Variants in TRAF3 observed in about 807,000 individuals in gnomAD.
The protein encoded by TRAF3 is TNF receptor associated factor 3.
TRAF3 carries 13 observed loss-of-function variants against 62.3 expected under a neutral mutation model. The observed-to-expected ratio is 0.21, with a 90% CI of 0.14 to 0.33. The LOEUF (loss-of-function observed/expected upper bound fraction) is 0.33, where lower values mean the gene tolerates loss of function less well. TRAF3 is among the 10% of genes least tolerant of loss of function. The pLI, the probability that TRAF3 is intolerant of heterozygous loss-of-function variation, is 1.00. For missense variants in TRAF3, 440 were observed against 741.8 expected (o/e 0.59, Z 4.73); for synonymous variants, 269 against 283.4 (o/e 0.95, Z 0.51).
At chr14:102,833,147 C>A (rs1885752176) in intron 2 of TRAF3, among the ~76,000 whole-genome samples, 3 of 152,178 alleles carry the variant, frequency 2.0e-5, no homozygotes, top group Admixed American at 2.0e-4. Context: ...GTCTTCTTGC[C>A]TGTGGACTGT....
At chr14:102,894,537 C>A (rs1889900266) in intron 9 of TRAF3, among the ~76,000 whole-genome samples, 1 of 152,028 alleles carries the variant, frequency 6.6e-6, no homozygotes, top group Non-Finnish European at 1.5e-5. Context: ...AACACACCTG[C>A]CAGGTGGACT....
chr14:102,852,193 C>T (rs990590303), intron 2 of TRAF3, among the ~76,000 whole-genome samples: 1 of 152,172 alleles, frequency 6.6e-6, no homozygotes, highest in African/African-American at 2.4e-5. Flanking sequence ...GACTCAACCT[C>T]CTGGGCTCAA....
chr14:102,895,220 C>G (rs1566804556), intron 9 of TRAF3: 3 of 410,902 alleles, frequency 7.3e-6, no homozygotes, highest in South Asian at 5.4e-5. Context: ...TGTAGGAGTT[C>G]ATGGACGTAT....
intron 1 of TRAF3, among the ~76,000 whole-genome samples, chr14:102,794,753 C>T: frequency 6.6e-6 from 1 of 152,178 alleles, no homozygotes. Context: ...GTGTGTTACT[C>T]ATTTTCAGTG....
At chr14:102,870,577 G>T (rs1419325200) in intron 3 of TRAF3, 131 bp downstream of exon 3, 2 of 1,296,186 alleles carry the variant, frequency 1.5e-6, no homozygotes, top group Non-Finnish European at 1.1e-6. Flanking sequence ...AAGCCTCCGG[G>T]CCCAGCTTGT....
rs540793449 is a variant in TRAF3, at chr14:102,802,093, C to T, written c.-157+24418C>T. ...ATTCTGGTCTTGAACTCCTAGTGGT[C>T]GTCCCACCTTGGCCTCCCAAAGTGC... On this transcript the variant is annotated intron_variant, in intron 1 of 11. Transcript: ENST00000392745. Among the ~76,000 whole-genome samples, 7 of 148,360 alleles carry T rather than the reference C, an allele frequency of 4.7e-5. No individual in the cohort carries two copies. In the East Asian group the frequency reaches 6.1e-4, roughly 13 times the overall value.
At chr14:102,791,891 C>A (rs1897808478) in intron 1 of TRAF3, among the ~76,000 whole-genome samples, 1 of 151,764 alleles carries the variant, frequency 6.6e-6, no homozygotes, top group Admixed American at 6.6e-5. Flanking sequence ...TGGCTGACTT[C>A]AACCTCTGCC....
At chr14:102,842,519 T>C (rs1886437779) in intron 2 of TRAF3, among the ~76,000 whole-genome samples, 1 of 151,890 alleles carries the variant, frequency 6.6e-6, no homozygotes, top group Admixed American at 6.6e-5. Context: ...ACTTAAGATA[T>C]GTATAACCTA....
At chr14:102,809,536 T>A (rs1898994634) in intron 1 of TRAF3, among the ~76,000 whole-genome samples, 1 of 149,282 alleles carries the variant, frequency 6.7e-6, no homozygotes, top group African/African-American at 2.5e-5. Flanking sequence ...AGACTTTTTT[T>A]TTTTTTTTTT....
At chr14:102,875,514 A>G (rs1888591687) in intron 4 of TRAF3, 110 bp from the exon 5 acceptor site, 2 of 875,044 alleles carry the variant, frequency 2.3e-6, no homozygotes, top group Non-Finnish European at 3.6e-6. Context: ...AGTTCACTTA[A>G]GAGTTCCTCT....
chr14:102,791,428 G>T (rs766096543), intron 1 of TRAF3, among the ~76,000 whole-genome samples: 3 of 152,062 alleles, frequency 2.0e-5, no homozygotes, highest in Non-Finnish European at 2.9e-5. Context: ...TTATTTCTGG[G>T]TGCTTTATTT....
chr14:102,811,257 T>C (rs1292533191), intron 1 of TRAF3, among the ~76,000 whole-genome samples: 1 of 152,046 alleles, frequency 6.6e-6, no homozygotes, highest in African/African-American at 2.4e-5. Flanking sequence ...GCCCCGTTGC[T>C]GCTGTCTGTA....
chr14:102,833,210 C>T (rs969300474), intron 2 of TRAF3, among the ~76,000 whole-genome samples: 1 of 152,194 alleles, frequency 6.6e-6, no homozygotes. Context: ...CCTTCTGTGG[C>T]ACTCAGTACA....
At chr14:102,801,964 C>T (rs1257750362) in intron 1 of TRAF3, among the ~76,000 whole-genome samples, 2 of 145,880 alleles carry the variant, frequency 1.4e-5, no homozygotes, top group East Asian at 2.1e-4. Context: ...TGCAGTGAGC[C>T]GAGATCATGC....
intron 1 of TRAF3, among the ~76,000 whole-genome samples, chr14:102,819,045 ACT>A (rs993277987): frequency 1.3e-5 from 2 of 148,536 alleles, no homozygotes; most frequent in Non-Finnish European, 3.0e-5. Context: ...ACGGAGCAAG[ACT>A]CTGTCTCTAA....
intron 9 of TRAF3, among the ~76,000 whole-genome samples, chr14:102,891,801 T>A (rs1264489871): frequency 1.3e-5 from 2 of 152,138 alleles, no homozygotes; most frequent in Non-Finnish European, 2.9e-5. Context: ...GCAGCAGAGT[T>A]AAGAGACATG....
At chr14:102,894,532 A>G (rs1479412920) in intron 9 of TRAF3, among the ~76,000 whole-genome samples, 2 of 151,968 alleles carry the variant, frequency 1.3e-5, no homozygotes, top group African/African-American at 4.8e-5. Context: ...CTTGGAACAC[A>G]CCTGCCAGGT....
chr14:102,900,922 A>G (rs546003059), intron 10 of TRAF3, among the ~76,000 whole-genome samples: 79 of 152,348 alleles, frequency 5.2e-4, no homozygotes, highest in African/African-American at 1.9e-3. Flanking sequence ...TATTTTTTAT[A>G]GAAACTGCAG....
rs143175329 is a variant in TRAF3 at position 102,866,808 on chromosome 14, A to G, written c.-17-3377A>G. Among the ~76,000 whole-genome samples, 855 of 151,340 alleles carry G rather than the reference A, an allele frequency of 5.6e-3. 9 individuals carry two copies. Among genetic ancestry groups the G allele is most frequent in the Admixed American group, 9.8e-3 (149 of 15,142 alleles). ...TGCAGTGAGCCATGATGGCACCACT[A>G]TACTCCAGCCTGGGCAACAGAACGA... On this transcript the variant is annotated intron_variant, in intron 2 of 11. Coordinates refer to ENST00000392745, the MANE Select transcript of TRAF3 (RefSeq NM_145725.3).
Sources: allele counts gnomAD v4.1 joint callset (sites outside exome capture counted in the v4.1 genomes callset), GRCh38; gene constraint gnomAD v4.1.1; transcripts MANE v1.5; gene names NCBI Gene and HGNC (gene_info 2026-07-23, HGNC 2026-07-21).